Variants in DST observed in about 807,000 individuals in gnomAD.
DST encodes bullous pemphigoid antigen.
Under a neutral mutation model 875.2 loss-of-function variants are expected in DST, and 253 were observed. The ratio of observed to expected loss-of-function variants is 0.29; its 90% CI spans 0.26 to 0.32. DST has a LOEUF of 0.32. Among genes scored for constraint, DST ranks in the 10% least tolerant of loss-of-function variants. The pLI, the probability that DST is intolerant of heterozygous loss-of-function variation, is 1.00. For missense variants in DST, 8,287 were observed against 9,111.6 expected, an observed-to-expected ratio of 0.91 and a Z score of 3.68; for synonymous variants, 3,124 against 3,197.1, an observed-to-expected ratio of 0.98 and a Z score of 0.77.
At position 56,476,221 on chromosome 6, in the gene DST, T is replaced by G. The variant is rs1192422924; in HGVS notation, c.21792A>C (p.Thr7264=). 1.9e-6 allele frequency: 3 copies of G among 1,612,574 alleles called. No individual in the cohort carries two copies. The highest frequency in any genetic ancestry group is 3.3e-5 in the Admixed American group (2 of 59,896). Residue 7264 remains threonine, a synonymous_variant, in exon 92 of 104, where the codon ACA becomes ACC. Transcript: ENST00000680361. ...TGACTTCTTTATCCTTATCAGTAAG[T>G]GTAGTTTCAGCCCATTGCAACCAAG... is the stretch of plus-strand genomic sequence containing the variant. ...LLAWLQWAET[T]LTDKDKEVIP...
intron 61 of DST, among the ~76,000 whole-genome samples, chr6:56,544,111 C>G (rs1416778901): frequency 6.6e-6 from 1 of 152,174 alleles, no homozygotes; most frequent in African/African-American, 2.4e-5. Flanking sequence ...AGCACACAGG[C>G]TGTAATAAGG....
rs1383871335 is a variant in DST, at chr6:56,609,860, T to C, written c.5284-516A>G. 4.6e-5 allele frequency among the ~76,000 whole-genome samples: 7 copies of C among 152,178 alleles called. No individual in the cohort carries two copies. The East Asian group carries it at 1.3e-3, about 29-fold the overall frequency. ...ATTATGTGGAAAGTATTCCCAGGAG[T>C]AAGGAATTAAATATAAAGATAACTT... On this transcript the variant is annotated intron_variant, in intron 39 of 103. Coordinates refer to ENST00000680361, the MANE Select transcript of DST (RefSeq NM_001374736.1).
chr6:56,853,949 T>C (rs976681470), intron 3 of DST, among the ~76,000 whole-genome samples: 1 of 152,186 alleles, frequency 6.6e-6, no homozygotes, highest in African/African-American at 2.4e-5. Context: ...AGGGAAATCA[T>C]ACATATTTAT....
At chr6:56,706,300 C>T (rs1027773804) in intron 5 of DST, among the ~76,000 whole-genome samples, 6 of 146,874 alleles carry the variant, frequency 4.1e-5, no homozygotes, top group South Asian at 2.1e-4. Context: ...GGTGACAGAG[C>T]GAGACTCCGT....
At chr6:56,775,913 C>T (rs1251784250) in intron 4 of DST, among the ~76,000 whole-genome samples, 2 of 152,236 alleles carry the variant, frequency 1.3e-5, no homozygotes, top group Non-Finnish European at 2.9e-5. Context: ...ATATTCTCCT[C>T]TCAAGGATGT....
intron 10 of DST, among the ~76,000 whole-genome samples, chr6:56,656,409 T>C (rs903075360): frequency 2.0e-5 from 3 of 152,240 alleles, no homozygotes; most frequent in Admixed American, 6.5e-5. Context: ...ATGTTGCCAA[T>C]TGGGATACCT....
At chr6:56,764,422 G>T (rs1034384235) in intron 4 of DST, among the ~76,000 whole-genome samples, 2 of 152,096 alleles carry the variant, frequency 1.3e-5, no homozygotes, top group Admixed American at 1.3e-4. Flanking sequence ...CATGCTGCTT[G>T]ATTTTCTACA....
intron 4 of DST, among the ~76,000 whole-genome samples, chr6:56,824,749 G>T (rs2099777637): frequency 6.6e-6 from 1 of 151,868 alleles, no homozygotes; most frequent in African/African-American, 2.4e-5. Context: ...CGTCTGAGAA[G>T]TGAGGAGTCC....
Position 56,743,224 on chromosome 6 carries a change from C to T in DST, c.626-7935G>A, listed in dbSNP as rs371978279. The stretch of plus-strand genomic sequence containing the variant: ...TCTTATGCTTGTCTGAAACGTTAGA[C>T]CAATAGACCTTCCTGAATAGAAACT... On this transcript the variant is annotated intron_variant, in intron 4 of 103. Coordinates refer to ENST00000680361, the MANE Select transcript of DST (RefSeq NM_001374736.1). 2.0e-5 allele frequency among the ~76,000 whole-genome samples: 3 copies of T among 152,210 alleles called. No homozygotes were observed. In the South Asian group the frequency reaches 6.2e-4, roughly 32 times the overall value.
In DST at chr6:56,716,573, G is replaced by A. The variant is rs767201869; in HGVS notation, c.688-12204C>T. ...AATCTAAAAATAGGCAAAGAGAACC[G>A]GGGGGATGGCTCACAACTGTAATCC... On this transcript the variant is annotated intron_variant, in intron 5 of 103. Coordinates refer to ENST00000680361, the MANE Select transcript of DST (RefSeq NM_001374736.1). Among the ~76,000 whole-genome samples the A allele has an allele frequency of 3.3e-5, 5 of 152,224 alleles. No individual in the cohort carries two copies. The South Asian group carries it at 6.2e-4, about 19-fold the overall frequency.
chr6:56,550,616 T>C (rs1195241288), intron 61 of DST, among the ~76,000 whole-genome samples: 2 of 152,194 alleles, frequency 1.3e-5, no homozygotes, highest in Non-Finnish European at 2.9e-5. Context: ...GCAGCACCAG[T>C]ATTATTACTT....
At chr6:56,716,491 T>C (rs1192806637) in intron 5 of DST, among the ~76,000 whole-genome samples, 2 of 152,232 alleles carry the variant, frequency 1.3e-5, no homozygotes, top group Non-Finnish European at 1.5e-5. Flanking sequence ...TTCTTATGTA[T>C]GATACCAAAA....
chr6:56,482,676 T>C lies in DST; in HGVS notation c.21402+7A>G, dbSNP rs752426587. The stretch of plus-strand genomic sequence containing the variant: ...TTACACCCAGCTCTCATTTACATGG[T>C]TTTTACCTGACGCAGGGCTGCTTCT... On this transcript the variant is annotated splice_region_variant and intron_variant, in intron 89 of 103. Transcript: ENST00000680361. The C allele has an allele frequency of 1.2e-6, 2 of 1,610,726 alleles. No individual in the cohort carries two copies. The highest frequency in any genetic ancestry group is 4.5e-5 in the East Asian group (2 of 44,788).
chr6:56,830,696 G>A (rs150199377), intron 4 of DST, among the ~76,000 whole-genome samples: 1 of 152,294 alleles, frequency 6.6e-6, no homozygotes, highest in Non-Finnish European at 1.5e-5. Context: ...GTCAGCAACA[G>A]AACTTTTCAC....
intron 2 of DST, among the ~76,000 whole-genome samples, chr6:56,907,719 C>A (rs573062827): frequency 4.7e-4 from 72 of 152,100 alleles, no homozygotes; most frequent in African/African-American, 1.7e-3. Context: ...AAGAAAAGAT[C>A]TATTAACAAT....
intron 3 of DST, chr6:56,863,761 C>CA (rs1431114715): frequency 6.6e-6 from 1 of 152,132 alleles, no homozygotes; most frequent in Non-Finnish European, 1.5e-5. Context: ...AATTCTATCA[C>CA]AAAAAACAAG....
Position 56,466,187 on chromosome 6 carries a change from G to A in DST, c.22578C>T (p.Asp7526=). The A allele has an allele frequency of 6.2e-7, 1 of 1,604,420 alleles. No individual in the cohort carries two copies. The highest frequency in any genetic ancestry group is 1.1e-5 in the South Asian group (1 of 88,622). Residue 7526 remains aspartate (D), a synonymous_variant, in exon 99 of 104, where the codon GAC becomes GAT. Coordinates refer to ENST00000680361, the MANE Select transcript of DST (RefSeq NM_001374736.1). Reference sequence around the variant, plus strand: ...TCCGGACCAGTCGCAGTTGCTGGGAGTCTCCAAACTGTTCAGTGAAGAAAG... The same window carrying A: ...TCCGGACCAGTCGCAGTTGCTGGGAATCTCCAAACTGTTCAGTGAAGAAAG... The part of the protein sequence containing the change: ...YRFFLGNQFG[D]SQQLRLVRIL...
chr6:56,560,349 C>G lies in DST; in HGVS notation c.14385G>C (p.Glu4795Asp), dbSNP rs1206491685. 6.2e-7 allele frequency: 1 copy of G among 1,609,720 alleles called. No homozygotes were observed. Among genetic ancestry groups the G allele is most frequent in the Non-Finnish European group, 8.5e-7 (1 of 1,177,740 alleles). Residue 4795 changes from glutamate (E) to aspartate (D), a missense_variant, in exon 58 of 104, where the codon GAG becomes GAC. By Grantham distance (45) the Glu-to-Asp change is conservative (BLOSUM62 2). This residue lies in a region of DST where 1,513 missense variants were observed against 1,677.8 expected (regional missense o/e 0.90). Transcript: ENST00000680361. ...ELKDKLTELL[E>D]ENPDTPEAPR... The stretch of plus-strand genomic sequence containing the variant: ...GGGCCTCAGGAGTATCTGGGTTCTC[C>G]TCCAACAGCTCTGTCAATTTGTCTT...
chr6:56,492,592 C>G (rs969422914), intron 84 of DST, among the ~76,000 whole-genome samples, 159 bp from the exon 85 acceptor site: 1 of 152,160 alleles, frequency 6.6e-6, no homozygotes, highest in African/African-American at 2.4e-5. Context: ...CTGCTGTCAG[C>G]CGGGTGCAGT....
Sources: allele counts gnomAD v4.1 joint callset (sites outside exome capture counted in the v4.1 genomes callset), GRCh38; gene constraint gnomAD v4.1.1; regional missense constraint gnomAD v4.1.1; transcripts MANE v1.5; gene names NCBI Gene and HGNC (gene_info 2026-07-23, HGNC 2026-07-21).